Variants in RBM48 observed in about 807,000 individuals in gnomAD.
The protein encoded by RBM48 is RNA-binding protein 48.
In RBM48, 32 loss-of-function variants were observed where a neutral mutation model predicts 34.8. That is an observed-to-expected ratio of 0.92 (90% CI 0.69 to 1.23). The LOEUF (loss-of-function observed/expected upper bound fraction) is 1.23. RBM48 is among the 50% of genes most tolerant of loss of function. The pLI is 0.00. For missense variants in RBM48, 441 were observed against 447.2 expected, an observed-to-expected ratio of 0.99 and a Z score of 0.12; for synonymous variants, 151 against 156.2, an observed-to-expected ratio of 0.97 and a Z score of 0.25.
intron 2 of RBM48, among the ~76,000 whole-genome samples, chr7:92,530,177 CAAA>C (rs539616414): frequency 2.1e-4 from 16 of 76,012 alleles, no homozygotes; most frequent in South Asian, 4.9e-4. Context: ...AGCTCTGCCT[CAAA>C]AAAAAAAAAA....
At chr7:92,536,087 G>A (rs552654026) in intron 4 of RBM48, 7 of 823,448 alleles carry the variant, frequency 8.5e-6, no homozygotes, top group African/African-American at 3.7e-5. Flanking sequence ...CCAAGATCAT[G>A]CCACTGCACT....
rs1337553240 is a variant in RBM48, at chr7:92,532,406, C to T, written c.305C>T (p.Thr102Ile). The T allele has an allele frequency of 5.0e-6, 8 of 1,607,280 alleles. No individual in the cohort carries two copies. Among genetic ancestry groups the T allele is most frequent in the Middle Eastern group, 3.3e-4 (2 of 6,008 alleles). ...IKFMNLQSAR[T>I]AKRKMDEQSF... The stretch of plus-strand genomic sequence containing the variant: ...TGCTATCTTGTATTTCCATTCAGGA[C>T]AGCCAAGAGAAAAATGGATGAACAG... The change falls in exon 3 of 5, where the codon ACA becomes ATA. Residue 102 changes from threonine to isoleucine, a missense_variant and splice_region_variant. By Grantham distance (89) the Thr-to-Ile change is moderately conservative (BLOSUM62 -1). Coordinates refer to ENST00000265732, the MANE Select transcript of RBM48 (RefSeq NM_032120.4).
intron 2 of RBM48, among the ~76,000 whole-genome samples, chr7:92,531,257 A>G (rs972133956): frequency 6.6e-6 from 1 of 152,220 alleles, no homozygotes; most frequent in Admixed American, 6.5e-5. Context: ...TAATCCATAT[A>G]AAGGTGTATC....
At position 92,538,365 on chromosome 7, in the gene RBM48, A is replaced by G. The variant is rs1433283804; in HGVS notation, c.*1428A>G. Reference sequence around the variant, plus strand: ...TTAATCTTTAACCTCAGGCCTGGTCAGTGGCGTCGGTTGGTTTTGCCACTG... The same window carrying G: ...TTAATCTTTAACCTCAGGCCTGGTCGGTGGCGTCGGTTGGTTTTGCCACTG... On this transcript the variant is annotated 3_prime_UTR_variant, in exon 5 of 5. Coordinates refer to ENST00000265732, the MANE Select transcript of RBM48 (RefSeq NM_032120.4). Among the ~76,000 whole-genome samples the G allele has an allele frequency of 6.6e-6, 1 of 152,194 alleles. No individual in the cohort carries two copies. The highest frequency in any genetic ancestry group is 2.4e-5 in the African/African-American group (1 of 41,454).
At chr7:92,536,530 A>G (rs1793715765) in intron 4 of RBM48, 7 of 1,002,660 alleles carry the variant, frequency 7.0e-6, no homozygotes, top group Non-Finnish European at 8.3e-6. Flanking sequence ...ATGCAAAACC[A>G]GGATATCTAT....
chr7:92,539,549 A>G lies in RBM48; in HGVS notation c.*2612A>G, dbSNP rs1793809912. The stretch of plus-strand genomic sequence containing the variant: ...AAACTCCATCTCTACAAAAAATACA[A>G]AAAGCCAGGCGTGGTGGCAAATGCC... On this transcript the variant is annotated 3_prime_UTR_variant, in exon 5 of 5. Transcript: ENST00000265732. 1.3e-5 allele frequency among the ~76,000 whole-genome samples: 2 copies of G among 152,186 alleles called. No homozygotes were observed. The highest frequency in any genetic ancestry group is 1.3e-4 in the Admixed American group (2 of 15,282).
intron 4 of RBM48, chr7:92,536,238 C>T: frequency 1.0e-6 from 1 of 984,272 alleles, no homozygotes; most frequent in African/African-American, 1.7e-5. Context: ...GAGCTGATTA[C>T]ATTTTCAAGA....
rs1308846496 is a variant in RBM48, at chr7:92,539,433, G to A, written c.*2496G>A. On this transcript the variant is annotated 3_prime_UTR_variant, in exon 5 of 5. Transcript: ENST00000265732. ...TATAGGTTATTATTTTGGGCACAGT[G>A]GCTCATGCCTATAATCCCAGCACTT... Among the ~76,000 whole-genome samples, 2 of 152,228 alleles carry A rather than the reference G, an allele frequency of 1.3e-5. No homozygotes were observed. Among genetic ancestry groups the A allele is most frequent in the South Asian group, 2.1e-4 (1 of 4,832 alleles).
intron 4 of RBM48, chr7:92,535,696 T>A (rs1368396761): frequency 1.0e-6 from 1 of 984,790 alleles, no homozygotes; most frequent in Non-Finnish European, 1.2e-6. Flanking sequence ...TTTCACATAG[T>A]TTTACTCATA....
Position 92,539,484 on chromosome 7 carries a change from C to G in RBM48, c.*2547C>G, listed in dbSNP as rs1012403895. Among the ~76,000 whole-genome samples the G allele has an allele frequency of 6.6e-6, 1 of 152,150 alleles. No individual in the cohort carries two copies. The highest frequency in any genetic ancestry group is 2.4e-5 in the African/African-American group (1 of 41,444). On this transcript the variant is annotated 3_prime_UTR_variant, in exon 5 of 5. Coordinates refer to ENST00000265732, the MANE Select transcript of RBM48 (RefSeq NM_032120.4). ...TGGGAGGCCAAGGTGGGAGGATCACCTGAGGTCAGGAGTTCAAGGCCAGCC... is the reference window on the plus strand; with the variant it reads ...TGGGAGGCCAAGGTGGGAGGATCACGTGAGGTCAGGAGTTCAAGGCCAGCC...
chr7:92,532,698 T>C, intron 3 of RBM48, 149 bp downstream of exon 3: 1 of 595,998 alleles, frequency 1.7e-6, no homozygotes, highest in South Asian at 2.3e-5. Context: ...TGCAGCACAC[T>C]ACATAATCTG....
intron 1 of RBM48, 199 bp downstream of exon 1, chr7:92,529,123 C>T (rs1793465905): frequency 1.6e-6 from 1 of 613,034 alleles, no homozygotes; most frequent in Non-Finnish European, 2.9e-6. Context: ...ATCAACTCCA[C>T]GAGAATAGGC....
intron 4 of RBM48, chr7:92,536,121 C>A: frequency 5.1e-6 from 5 of 979,956 alleles, no homozygotes; most frequent in Non-Finnish European, 3.6e-6. Context: ...CAGTGTGAGA[C>A]CCTGTCTCAA....
In RBM48 at chr7:92,539,491, C is replaced by T. The variant is rs1218133182; in HGVS notation, c.*2554C>T. Among the ~76,000 whole-genome samples, 2 of 152,178 alleles carry T rather than the reference C, an allele frequency of 1.3e-5. No individual in the cohort carries two copies. Among genetic ancestry groups the T allele is most frequent in the South Asian group, 2.1e-4 (1 of 4,828 alleles). The stretch of plus-strand genomic sequence containing the variant: ...CCAAGGTGGGAGGATCACCTGAGGT[C>T]AGGAGTTCAAGGCCAGCCTGGCCAA... On this transcript the variant is annotated 3_prime_UTR_variant, in exon 5 of 5. Coordinates refer to ENST00000265732, the MANE Select transcript of RBM48 (RefSeq NM_032120.4).
chr7:92,534,376 C>G, intron 3 of RBM48, 26 bp from the exon 4 acceptor site: 2 of 1,588,216 alleles, frequency 1.3e-6, no homozygotes, highest in Non-Finnish European at 1.7e-6. Context: ...TTCCCTTTCC[C>G]TCAACTTTTA....
chr7:92,536,726 G>C lies in RBM48; in HGVS notation c.1018-125G>C, dbSNP rs6465360. ...CATAGGCTGTACCTTGAACTTAGGC[G>C]AACTCTGCCTCGAAAGTGACATCAA... On this transcript the variant is annotated intron_variant, in intron 4 of 4. Coordinates refer to ENST00000265732, the MANE Select transcript of RBM48 (RefSeq NM_032120.4). The C allele has an allele frequency of 0.12, 161,313 of 1,368,076 alleles. 9,925 individuals carry two copies. The highest frequency in any genetic ancestry group is 0.13 in the African/African-American group (8,956 of 66,802). The allele number at this position is 1,368,076 out of a possible 1,614,324, so 84.7% of individuals were successfully genotyped here.
chr7:92,535,558 A>G, intron 4 of RBM48: 1 of 985,400 alleles, frequency 1.0e-6, no homozygotes, highest in Non-Finnish European at 1.2e-6. Context: ...TTTCCTAAGC[A>G]CAAATGAAGT....
chr7:92,529,661 T>A lies in RBM48; in HGVS notation c.297T>A (p.Ser99Arg), dbSNP rs1348624906. 3.2e-6 allele frequency: 5 copies of A among 1,548,744 alleles called. No individual in the cohort carries two copies. The highest frequency in any genetic ancestry group is 4.4e-6 in the Non-Finnish European group (5 of 1,135,012). ...TTATTAAATTTATGAACTTACAAAGTGCAAGGTAATGTGCAAGTTAAGAAA... is the reference window on the plus strand; with the variant it reads ...TTATTAAATTTATGAACTTACAAAGAGCAAGGTAATGTGCAAGTTAAGAAA... ...VYLIKFMNLQ[S>R]ARTAKRKMDE... The change falls in exon 2 of 5, where the codon AGT becomes AGA. Residue 99 changes from serine to arginine, a missense_variant. Transcript: ENST00000265732.
chr7:92,532,082 T>C (rs189919617), intron 2 of RBM48, among the ~76,000 whole-genome samples: 258 of 152,272 alleles, frequency 1.7e-3, no homozygotes, highest in Admixed American at 4.4e-3. Context: ...ATGAACCAAC[T>C]CTTCAGGGCC....
Sources: allele counts gnomAD v4.1 joint callset (sites outside exome capture counted in the v4.1 genomes callset), GRCh38; gene constraint gnomAD v4.1.1; transcripts MANE v1.5; gene names NCBI Gene and HGNC (gene_info 2026-07-23, HGNC 2026-07-21).